SGSM1: variants seen among roughly 807,000 people sequenced by gnomAD.
SGSM1 encodes the protein small G protein signaling modulator 1, also known as RUN and TBC1 domain containing 2.
Under a neutral mutation model 133.8 loss-of-function variants are expected in SGSM1, and 73 were observed. The observed-to-expected ratio is 0.55, with a 90% CI of 0.45 to 0.66. The LOEUF (loss-of-function observed/expected upper bound fraction) is 0.66, where lower values mean the gene tolerates loss of function less well. Among genes scored for constraint, SGSM1 ranks in the 30% least tolerant of loss-of-function variants. The pLI is 0.00. For missense variants in SGSM1, 1,213 were observed against 1,448.1 expected, an observed-to-expected ratio of 0.84 and a Z score of 2.64; for synonymous variants, 563 against 573.0, an observed-to-expected ratio of 0.98 and a Z score of 0.25.
intron 2 of SGSM1, among the ~76,000 whole-genome samples, chr22:24,823,929 G>A (rs1427478383): frequency 1.3e-5 from 2 of 152,168 alleles, no homozygotes; most frequent in African/African-American, 4.8e-5. Context: ...ATAAATAAAT[G>A]TATTATCTTA....
At chr22:24,919,432 G>A (rs1034101240) in intron 23 of SGSM1, among the ~76,000 whole-genome samples, 18 of 152,126 alleles carry the variant, frequency 1.2e-4, no homozygotes, top group Non-Finnish European at 2.1e-4. Flanking sequence ...TGTGTGGGGG[G>A]AAAGAAGAAA....
intron 10 of SGSM1, among the ~76,000 whole-genome samples, chr22:24,868,099 G>A (rs1003469691): frequency 6.6e-6 from 1 of 152,118 alleles, no homozygotes; most frequent in Non-Finnish European, 1.5e-5. Context: ...GGTTCTAGGG[G>A]GCGTCTTTTT....
chr22:24,860,734 CTA>C (rs1931075414), intron 9 of SGSM1, among the ~76,000 whole-genome samples: 1 of 149,232 alleles, frequency 6.7e-6, no homozygotes, highest in Non-Finnish European at 1.5e-5. Context: ...AACCCCATCT[CTA>C]CTAAAAATAC....
At chr22:24,881,426 T>C (rs9624636) in intron 14 of SGSM1, among the ~76,000 whole-genome samples, 13,842 of 133,316 alleles carry the variant, frequency 0.1, 1,439 homozygotes, top group African/African-American at 0.2. Context: ...ATTAGTCGGG[T>C]GTGGTGGTGG....
chr22:24,915,663 T>G (rs1933796141), intron 22 of SGSM1, among the ~76,000 whole-genome samples: 1 of 152,208 alleles, frequency 6.6e-6, no homozygotes, highest in Non-Finnish European at 1.5e-5. Flanking sequence ...AAATAGAGTT[T>G]CCAATCCCTC....
intron 16 of SGSM1, among the ~76,000 whole-genome samples, chr22:24,891,756 A>C (rs1932817872): frequency 6.6e-6 from 1 of 152,188 alleles, no homozygotes; most frequent in African/African-American, 2.4e-5. Flanking sequence ...GAAGCACCTA[A>C]GACGGGCAGG....
chr22:24,820,635 G>A (rs1208478860), intron 2 of SGSM1, among the ~76,000 whole-genome samples: 2 of 152,184 alleles, frequency 1.3e-5, no homozygotes, highest in Non-Finnish European at 2.9e-5. Flanking sequence ...ATGCTGTGTG[G>A]AAGTGACAGG....
intron 2 of SGSM1, chr22:24,843,952 C>T (rs1197464630): frequency 4.6e-5 from 7 of 152,208 alleles, no homozygotes; most frequent in Admixed American, 4.6e-4. Context: ...GATCAGAAAC[C>T]CACTTGGGAG....
intron 2 of SGSM1, among the ~76,000 whole-genome samples, chr22:24,825,847 G>A (rs1269462293): frequency 1.3e-5 from 2 of 152,200 alleles, no homozygotes; most frequent in African/African-American, 4.8e-5. Context: ...ATAACTGGGT[G>A]CTAGCTCAGT....
rs373806756 is a variant in SGSM1 at position 24,847,788 on chromosome 22, C to A, written c.294C>A (p.Ile98=). 5.0e-5 allele frequency: 81 copies of A among 1,613,520 alleles called. No individual in the cohort carries two copies. The African/African-American group carries it at 9.1e-4, about 18-fold the overall frequency. The stretch of plus-strand genomic sequence containing the variant: ...AGGTGCAAGACCTGGAGCAGCTGAT[C>A]GAGAGCGCGTGAGTGCAAAGCATGG... The part of the protein sequence containing the change: ...SRKVQDLEQL[I]ESARNQIQGL... Residue 98 remains isoleucine, a synonymous_variant, in exon 4 of 25, where the codon ATC becomes ATA. Coordinates refer to ENST00000400358, the MANE Select transcript of SGSM1 (RefSeq NM_001098497.3).
intron 13 of SGSM1, among the ~76,000 whole-genome samples, chr22:24,877,048 AT>A (rs1932061889): frequency 6.6e-6 from 1 of 152,200 alleles, no homozygotes; most frequent in Non-Finnish European, 1.5e-5. Context: ...AGCAGCTACC[AT>A]CTTGAATGTT....
intron 16 of SGSM1, among the ~76,000 whole-genome samples, chr22:24,887,096 C>T (rs8142617): frequency 0.06 from 6,190 of 103,870 alleles, 318 homozygotes; most frequent in Admixed American, 0.14. Flanking sequence ...CCCAGTTTTA[C>T]TTGTACTTAT....
Position 24,898,080 on chromosome 22 carries a change from G to C in SGSM1, c.2131G>C (p.Asp711His). 6.2e-7 allele frequency: 1 copy of C among 1,613,982 alleles called. No homozygotes were observed. The highest frequency in any genetic ancestry group is 8.5e-7 in the Non-Finnish European group (1 of 1,179,890). The change falls in exon 19 of 25, where the codon GAC becomes CAC. Residue 711 changes from aspartate to histidine, a missense_variant. By Grantham distance (81) the Asp-to-His change is moderately conservative (BLOSUM62 -1). Coordinates refer to ENST00000400358, the MANE Select transcript of SGSM1 (RefSeq NM_001098497.3). The stretch of plus-strand genomic sequence containing the variant: ...CCTAGTGAACGGCACTTGTTCCCCA[G>C]ACTCGGGTCATCCTTCCTCCCATAA... ...GNLVNGTCSP[D>H]SGHPSSHNFS...
rs1285017449 is a variant in SGSM1 at position 24,806,295 on chromosome 22, TC to T, written c.-29del. On this transcript the variant is annotated 5_prime_UTR_variant, in exon 1 of 25. Transcript: ENST00000400358. ...TACCGCCGCCACCGCCGCCACCGCC[TC>T]CTGGGACTCGGAACGCAGCGCTCGG... 1 of 1,426,262 alleles carries T rather than the reference TC, an allele frequency of 7.0e-7. No homozygotes were observed. Among genetic ancestry groups the T allele is most frequent in the Non-Finnish European group, 9.1e-7 (1 of 1,093,328 alleles). The allele number at this position is 1,426,262 out of a possible 1,614,324, so 88.4% of individuals were successfully genotyped here.
intron 22 of SGSM1, among the ~76,000 whole-genome samples, chr22:24,916,983 A>T (rs1171212065): frequency 6.6e-6 from 1 of 150,748 alleles, no homozygotes; most frequent in Non-Finnish European, 1.5e-5. Flanking sequence ...GGCTCAAGTG[A>T]TCCTCCCACT....
chr22:24,815,525 G>A (rs189056699), intron 2 of SGSM1, among the ~76,000 whole-genome samples: 108 of 152,250 alleles, frequency 7.1e-4, no homozygotes, highest in African/African-American at 2.4e-3. Flanking sequence ...GGCGGATCAC[G>A]AGTTCAGGAG....
At chr22:24,905,269 C>G in intron 21 of SGSM1, 82 bp downstream of exon 21, 1 of 1,359,670 alleles carries the variant, frequency 7.4e-7, no homozygotes, top group Non-Finnish European at 1.1e-6. Flanking sequence ...CACTTTGTGA[C>G]TCTGTAGAAT....
At chr22:24,905,255 A>G in intron 21 of SGSM1, 68 bp downstream of exon 21, 2 of 1,458,956 alleles carry the variant, frequency 1.4e-6, no homozygotes, top group Non-Finnish European at 1.9e-6. Flanking sequence ...AGAAGGCTTA[A>G]TCTCACTTTG....
chr22:24,904,337 T>C (rs1257486620), intron 20 of SGSM1, among the ~76,000 whole-genome samples: 6 of 151,906 alleles, frequency 3.9e-5, no homozygotes, highest in Admixed American at 1.3e-4. Flanking sequence ...TCCCAGCACT[T>C]TGGGAGGCCG....
Sources: gnomAD v4.1 joint callset for allele counts (sites outside exome capture counted in the v4.1 genomes callset) on GRCh38, gnomAD v4.1.1 for gene constraint, MANE v1.5 for transcripts, NCBI Gene and HGNC (gene_info 2026-07-23, HGNC 2026-07-21) for gene names.